LMO7: variants seen among roughly 807,000 people sequenced by gnomAD.
The protein encoded by LMO7 is LIM domain 7.
Under a neutral mutation model 206.5 loss-of-function variants are expected in LMO7, and 120 were observed. The ratio of observed to expected loss-of-function variants is 0.58; its 90% CI spans 0.50 to 0.68. The LOEUF (loss-of-function observed/expected upper bound fraction) is 0.68, where lower values mean the gene tolerates loss of function less well. LMO7 is among the 30% of genes least tolerant of loss of function. LMO7 has a pLI of 0.00. For synonymous variants in LMO7, 706 were observed against 681.5 expected (o/e 1.04, Z -0.56); for missense variants, 1,959 against 1,957.9 (o/e 1.00, Z -0.01).
At chr13:75,670,302 GCTT>G (rs1237735650) in intron 1 of LMO7, among the ~76,000 whole-genome samples, 2 of 152,262 alleles carry the variant, frequency 1.3e-5, no homozygotes, top group South Asian at 4.1e-4. Context: ...CATTCCTATT[GCTT>G]CTTTTATTTT....
Position 75,809,608 on chromosome 13 carries a change from T to C in LMO7, c.1946+425T>C, listed in dbSNP as rs571483006. On this transcript the variant is annotated intron_variant, in intron 11 of 30. Transcript: ENST00000377534. ...AGAATATTAGCATTTACTTCAAGTTTAGAATACACCCAGTTGACATTATCC... is the reference window on the plus strand; with the variant it reads ...AGAATATTAGCATTTACTTCAAGTTCAGAATACACCCAGTTGACATTATCC... Among the ~76,000 whole-genome samples, 4 of 152,286 alleles carry C rather than the reference T, an allele frequency of 2.6e-5. No individual in the cohort carries two copies. The East Asian group carries it at 7.7e-4, about 29-fold the overall frequency.
At position 75,808,062 on chromosome 13, in the gene LMO7, T is replaced by C; in HGVS notation, c.1779T>C (p.Ile593=). Residue 593 remains isoleucine (I), a synonymous_variant, in exon 10 of 31, where the codon ATT becomes ATC. Coordinates refer to ENST00000377534, the MANE Select transcript of LMO7 (RefSeq NM_001306080.2). ...AAGATGACATGCTGACACGTAAGAT[T>C]CAGTCCTGGAAACTGGGAACTACCG... The part of the protein sequence containing the change: ...QKKDDMLTRK[I]QSWKLGTTVP... 6.2e-7 allele frequency: 1 copy of C among 1,614,026 alleles called. No homozygotes were observed. The highest frequency in any genetic ancestry group is 8.5e-7 in the Non-Finnish European group (1 of 1,179,888).
In LMO7 at chr13:75,678,726, T is replaced by C. The variant is rs115175755; in HGVS notation, c.70-34456T>C. Among the ~76,000 whole-genome samples the C allele has an allele frequency of 7.7e-3, 1,168 of 152,268 alleles. 16 individuals are homozygous for C. The highest frequency in any genetic ancestry group is 0.026 in the African/African-American group (1,090 of 41,554). On this transcript the variant is annotated intron_variant, in intron 1 of 30. Coordinates refer to ENST00000377534, the MANE Select transcript of LMO7 (RefSeq NM_001306080.2). ...GTTCTAGTCTAGGTTCCAAATGGAG[T>C]GATAAATGTCAGAAAATGATAAATA...
chr13:75,747,995 T>C (rs1362882997), intron 3 of LMO7, among the ~76,000 whole-genome samples: 1 of 152,168 alleles, frequency 6.6e-6, no homozygotes, highest in Admixed American at 6.5e-5. Flanking sequence ...CTCTGAGTAT[T>C]TACCTATATC....
At chr13:75,657,061 A>G (rs2038126427) in intron 1 of LMO7, among the ~76,000 whole-genome samples, 1 of 152,192 alleles carries the variant, frequency 6.6e-6, no homozygotes, top group Admixed American at 6.5e-5. Context: ...AGATTTGGAT[A>G]CAGAGGCAGA....
At chr13:75,831,605 C>T (rs537330837) in intron 15 of LMO7, among the ~76,000 whole-genome samples, 1 of 152,236 alleles carries the variant, frequency 6.6e-6, no homozygotes, top group South Asian at 2.1e-4. Context: ...CAGGTGAGCA[C>T]CATGTGCTGT....
chr13:75,854,985 G>T (rs1389460557), intron 28 of LMO7: 7 of 328,642 alleles, frequency 2.1e-5, no homozygotes, highest in Non-Finnish European at 4.0e-5. Flanking sequence ...ATCAAAGGAA[G>T]ATAGTATCAG....
At chr13:75,670,966 C>CTTTTTTTT (rs552236505) in intron 1 of LMO7, among the ~76,000 whole-genome samples, 19,566 of 97,462 alleles carry the variant, frequency 0.2, 1,912 homozygotes, top group Non-Finnish European at 0.27. Context: ...ATGTTTAAAA[C>CTTTTTTTT]TTTTTTTTTT....
chr13:75,778,810 G>A (rs950987478), intron 4 of LMO7, among the ~76,000 whole-genome samples: 1 of 152,160 alleles, frequency 6.6e-6, no homozygotes, highest in African/African-American at 2.4e-5. Context: ...TATTGCTAGG[G>A]CAAGGGCTTT....
At chr13:75,655,151 G>A (rs1393901522) in intron 1 of LMO7, among the ~76,000 whole-genome samples, 3 of 152,146 alleles carry the variant, frequency 2.0e-5, no homozygotes, top group African/African-American at 4.8e-5. Flanking sequence ...GATTACAGGC[G>A]TGAGCCACTG....
intron 1 of LMO7, among the ~76,000 whole-genome samples, chr13:75,711,302 T>G (rs2043097972): frequency 6.6e-6 from 1 of 152,330 alleles, no homozygotes; most frequent in Admixed American, 6.5e-5. Flanking sequence ...ATCAGGATGA[T>G]GCTGGCCTCA....
chr13:75,780,728 G>A (rs2051202965), intron 4 of LMO7, among the ~76,000 whole-genome samples: 1 of 152,184 alleles, frequency 6.6e-6, no homozygotes, highest in Non-Finnish European at 1.5e-5. Flanking sequence ...CACAATTTAT[G>A]TTCAGAGATT....
At chr13:75,758,605 C>A (rs1490715714) in intron 3 of LMO7, among the ~76,000 whole-genome samples, 1 of 152,110 alleles carries the variant, frequency 6.6e-6, no homozygotes, top group Non-Finnish European at 1.5e-5. Context: ...TGAACTTTGT[C>A]TTCAACTAAG....
intron 3 of LMO7, among the ~76,000 whole-genome samples, chr13:75,752,816 A>G (rs956851853): frequency 1.3e-5 from 2 of 152,158 alleles, no homozygotes; most frequent in South Asian, 4.1e-4. Context: ...ACCACATTTT[A>G]TTTATCCAGT....
At chr13:75,741,493 G>A (rs926694661) in intron 3 of LMO7, among the ~76,000 whole-genome samples, 4 of 152,170 alleles carry the variant, frequency 2.6e-5, no homozygotes, top group African/African-American at 9.7e-5. Flanking sequence ...CAAAACACCG[G>A]CAAACTGAAT....
At chr13:75,706,165 G>T (rs2042633425) in intron 1 of LMO7, among the ~76,000 whole-genome samples, 1 of 152,276 alleles carries the variant, frequency 6.6e-6, no homozygotes, top group Middle Eastern at 3.4e-3. Flanking sequence ...GTTCAGAATT[G>T]CAGGTAGAAA....
At chr13:75,747,144 T>C (rs1203961337) in intron 3 of LMO7, among the ~76,000 whole-genome samples, 1 of 152,166 alleles carries the variant, frequency 6.6e-6, no homozygotes, top group African/African-American at 2.4e-5. Context: ...TTCAATGATA[T>C]TTTAGTTGGA....
At chr13:75,759,840 G>C (rs1255285231) in intron 3 of LMO7, among the ~76,000 whole-genome samples, 1 of 152,182 alleles carries the variant, frequency 6.6e-6, no homozygotes, top group African/African-American at 2.4e-5. Context: ...CCAAGTGGCA[G>C]ACTATCTTCT....
intron 4 of LMO7, among the ~76,000 whole-genome samples, chr13:75,768,591 C>G (rs1486585131): frequency 6.6e-6 from 1 of 151,996 alleles, no homozygotes; most frequent in Admixed American, 6.6e-5. Context: ...AAAATCTAAA[C>G]TAGTCAGTGA....
Sources: allele counts gnomAD v4.1 joint callset (sites outside exome capture counted in the v4.1 genomes callset), GRCh38; gene constraint gnomAD v4.1.1; transcripts MANE v1.5; gene names NCBI Gene and HGNC (gene_info 2026-07-23, HGNC 2026-07-21).